The following PHKA2 variants were observed in gnomAD, a reference collection of about 807,000 sequenced individuals.
PHKA2 encodes the protein phosphorylase kinase regulatory subunit alpha 2, also known as phosphorylase b kinase regulatory subunit alpha, liver isoform.
In PHKA2, 31 loss-of-function variants were observed where a neutral mutation model predicts 102.0. The ratio of observed to expected loss-of-function variants is 0.30; its 90% CI spans 0.23 to 0.41. The LOEUF is 0.41. Among genes scored for constraint, PHKA2 ranks in the 10% least tolerant of loss-of-function variants. The probability of loss-of-function intolerance (pLI) is 1.00; values close to 1 mark genes in which losing one functional copy is unlikely to be tolerated. For synonymous variants in PHKA2, 455 were observed against 416.2 expected (o/e 1.09, Z -1.13); for missense variants, 858 against 1,023.1 (o/e 0.84, Z 2.20).
intron 14 of PHKA2, 146 bp from the exon 15 acceptor site, chrX:18,925,923 T>C: frequency 2.1e-6 from 1 of 482,438 alleles, no homozygotes; most frequent in Non-Finnish European, 3.7e-6. Context: ...TCCTTTAAAA[T>C]GGCACGAAGC....
chrX:18,911,545 G>T (rs1021774918), intron 19 of PHKA2, among the ~76,000 whole-genome samples: 3 of 111,861 alleles, frequency 2.7e-5, no homozygotes, highest in African/African-American at 6.5e-5. Flanking sequence ...CTGACCTCAG[G>T]TGATACAGCC....
At chrX:18,924,166 C>T in intron 16 of PHKA2, 32 bp from the exon 17 acceptor site, 1 of 1,085,872 alleles carries the variant, frequency 9.2e-7, no homozygotes, top group Non-Finnish European at 1.3e-6. Flanking sequence ...TTAGTTTAGT[C>T]TGGGCAGACT....
In PHKA2 at chrX:18,895,103, C is replaced by G. The variant is rs200336179; in HGVS notation, c.3336+35G>C. ...CAATGAAGCCCTTATTGTGAACCCA[C>G]AGAGGGGCCCGCCTCTGCGTTTTTC... is the stretch of plus-strand genomic sequence containing the variant. On this transcript the variant is annotated intron_variant, in intron 31 of 32. Transcript: ENST00000379942. 327 of 1,190,991 alleles carry G rather than the reference C, an allele frequency of 2.7e-4. No individual in the cohort carries two copies. In the African/African-American group the frequency reaches 5.0e-3, roughly 18 times the overall value.
intron 19 of PHKA2, among the ~76,000 whole-genome samples, chrX:18,911,620 TG>T (rs1238382796): frequency 1.8e-5 from 2 of 112,328 alleles, no homozygotes; most frequent in Admixed American, 9.4e-5. Context: ...ATACTTCTTT[TG>T]AGAAGTATGG....
chrX:18,905,680 C>A, intron 26 of PHKA2, 78 bp downstream of exon 26: 1 of 674,551 alleles, frequency 1.5e-6, no homozygotes, highest in South Asian at 2.1e-5. Context: ...TCGCTATGCC[C>A]CACAGTGCTG....
At chrX:18,899,475 T>C (rs1054320208) in intron 28 of PHKA2, among the ~76,000 whole-genome samples, 2 of 112,757 alleles carry the variant, frequency 1.8e-5, no homozygotes, top group African/African-American at 6.4e-5. Flanking sequence ...CTGTTACCAT[T>C]GAATGTAAAC....
At chrX:18,941,392 T>C in intron 8 of PHKA2, 137 bp downstream of exon 8, 1 of 607,985 alleles carries the variant, frequency 1.6e-6, no homozygotes, top group Non-Finnish European at 2.8e-6. Context: ...TTTTCTTGCC[T>C]GTAGACTCAG....
Position 18,970,024 on chromosome X carries a change from A to G in PHKA2, c.78+13831T>C, listed in dbSNP as rs113263558. 6.0e-3 allele frequency among the ~76,000 whole-genome samples: 660 copies of G among 110,518 alleles called. 6 individuals are homozygous for G. The highest frequency in any genetic ancestry group is 0.021 in the African/African-American group (624 of 30,380). Reference sequence around the variant, plus strand: ...GGAGGCTGAGGTGGGAGGATCGCTTAAGTCCAGGAGTTCGAGACCAGACTG... The same window carrying G: ...GGAGGCTGAGGTGGGAGGATCGCTTGAGTCCAGGAGTTCGAGACCAGACTG... On this transcript the variant is annotated intron_variant, in intron 1 of 32. Transcript: ENST00000379942.
chrX:18,980,631 C>T (rs1327191333), intron 1 of PHKA2, among the ~76,000 whole-genome samples: 1 of 111,809 alleles, frequency 8.9e-6, no homozygotes, highest in East Asian at 2.8e-4. Flanking sequence ...ACCCTGTTCT[C>T]CTGCCGCATT....
In PHKA2 at chrX:18,910,147, CA is replaced by C. The variant is rs777954723; in HGVS notation, c.2226+724del. On this transcript the variant is annotated intron_variant, in intron 20 of 32. Transcript: ENST00000379942. ...TTTTTTTATGCCCATCTTTTTCCTGCAGTATCCTAAGGAATCTTTTACTGTT... is the reference window on the plus strand; with the variant it reads ...TTTTTTTATGCCCATCTTTTTCCTGCGTATCCTAAGGAATCTTTTACTGTT... Among the ~76,000 whole-genome samples the C allele has an allele frequency of 4.1e-3, 457 of 112,240 alleles. 2 individuals are homozygous for C. Among genetic ancestry groups the C allele is most frequent in the African/African-American group, 0.014 (428 of 30,922 alleles).
chrX:18,952,434 G>T, intron 3 of PHKA2, 60 bp downstream of exon 3: 1 of 979,568 alleles, frequency 1.0e-6, no homozygotes, highest in Non-Finnish European at 1.5e-6. Context: ...CATGTTAACT[G>T]TCACAATTAC....
At chrX:18,980,782 T>C (rs757799234) in intron 1 of PHKA2, among the ~76,000 whole-genome samples, 11 of 112,190 alleles carry the variant, frequency 9.8e-5, no homozygotes, top group Non-Finnish European at 1.9e-4. Flanking sequence ...TTGAGTCTTA[T>C]TTCTTTTTCT....
chrX:18,922,957 T>C (rs759636341), intron 17 of PHKA2, among the ~76,000 whole-genome samples: 113 of 109,862 alleles, frequency 1.0e-3, no homozygotes, highest in African/African-American at 3.7e-3. Context: ...CCAAAAGTTT[T>C]AGCAACTGGA....
At chrX:18,953,538 A>AACTTC (rs1480169623) in intron 2 of PHKA2, among the ~76,000 whole-genome samples, 3 of 112,710 alleles carry the variant, frequency 2.7e-5, no homozygotes, top group Non-Finnish European at 5.6e-5. Context: ...GACTACTCTG[A>AACTTC]AGAGTACATG....
At chrX:18,906,073 G>C (rs759541181) in intron 25 of PHKA2, among the ~76,000 whole-genome samples, 1 of 111,883 alleles carries the variant, frequency 8.9e-6, no homozygotes, top group South Asian at 3.7e-4. Context: ...TTAATTCTTA[G>C]ACACATGATG....
chrX:18,926,378 G>A (rs1157491351), intron 14 of PHKA2, 75 bp downstream of exon 14: 6 of 812,518 alleles, frequency 7.4e-6, no homozygotes, highest in Non-Finnish European at 1.1e-5. Flanking sequence ...GTATATCACA[G>A]TCTCCCTCAG....
intron 6 of PHKA2, among the ~76,000 whole-genome samples, chrX:18,944,608 C>T (rs1038539813): frequency 3.6e-5 from 4 of 111,704 alleles, no homozygotes; most frequent in African/African-American, 1.3e-4. Context: ...AGAGTACCTT[C>T]AGGGAAAGTT....
rs138994286 is a variant in PHKA2 at position 18,930,761 on chromosome X, A to T, written c.1245+880T>A. Reference sequence around the variant, plus strand: ...CCATGACACTGGGGAGTCTTGAGGTACCTGTAAAACAACTGTTTCAGCTCG... The same window carrying T: ...CCATGACACTGGGGAGTCTTGAGGTTCCTGTAAAACAACTGTTTCAGCTCG... On this transcript the variant is annotated intron_variant, in intron 12 of 32. Coordinates refer to ENST00000379942, the MANE Select transcript of PHKA2 (RefSeq NM_000292.3). 9.5e-3 allele frequency among the ~76,000 whole-genome samples: 1,059 copies of T among 111,251 alleles called. 17 individuals are homozygous for T. Among genetic ancestry groups the T allele is most frequent in the African/African-American group, 0.032 (978 of 30,559 alleles).
intron 28 of PHKA2, among the ~76,000 whole-genome samples, chrX:18,900,327 ATTCT>A (rs1260169166): frequency 4.5e-5 from 5 of 111,534 alleles, no homozygotes; most frequent in African/African-American, 1.6e-4. Context: ...GAATAGCAGC[ATTCT>A]TTCTACTGAT....
Sources: allele counts gnomAD v4.1 joint callset (sites outside exome capture counted in the v4.1 genomes callset), GRCh38; gene constraint gnomAD v4.1.1; transcripts MANE v1.5; gene names NCBI Gene and HGNC (gene_info 2026-07-23, HGNC 2026-07-21).